The following BARHL1 variants were observed in gnomAD, a reference collection of about 807,000 sequenced individuals.
The protein encoded by BARHL1 is barH-like 1 homeobox protein.
Under a neutral mutation model 20.1 loss-of-function variants are expected in BARHL1, and 2 were observed. The observed-to-expected ratio is 0.10, with a 90% CI of 0.04 to 0.31. The LOEUF is 0.31. Ranked by LOEUF, BARHL1 falls within the 10% of genes least tolerant of loss-of-function variation. The probability of loss-of-function intolerance (pLI) is 1.00; values close to 1 mark genes in which losing one functional copy is unlikely to be tolerated. For synonymous variants in BARHL1, 213 were observed against 209.9 expected (o/e 1.01, Z -0.13); for missense variants, 397 against 454.0 (o/e 0.87, Z 1.14).
chr9:132,586,038 T>C (rs1830140716), intron 1 of BARHL1, among the ~76,000 whole-genome samples: 1 of 152,234 alleles, frequency 6.6e-6, no homozygotes, highest in African/African-American at 2.4e-5. Context: ...AGGGAGAGCC[T>C]GGTGCCAGCC....
intron 2 of BARHL1, among the ~76,000 whole-genome samples, chr9:132,588,962 A>C (rs1830176889): frequency 6.6e-6 from 1 of 151,992 alleles, no homozygotes; most frequent in East Asian, 1.9e-4. Flanking sequence ...AGGGCTTAAA[A>C]CCCAGGCTCC....
chr9:132,583,646 G>A (rs1376029453), intron 1 of BARHL1, among the ~76,000 whole-genome samples: 1 of 152,254 alleles, frequency 6.6e-6, no homozygotes, highest in African/African-American at 2.4e-5. Context: ...GACTGAAAGG[G>A]TTCTGCTTTA....
chr9:132,583,074 A>T lies in BARHL1; in HGVS notation c.277A>T (p.Thr93Ser). 6.2e-7 allele frequency: 1 copy of T among 1,613,698 alleles called. No homozygotes were observed. The highest frequency in any genetic ancestry group is 1.6e-4 in the Middle Eastern group (1 of 6,062). Residue 93 changes from threonine (T) to serine (S), a missense_variant, in exon 1 of 3, where the codon ACC (threonine) becomes TCC (serine). By Grantham distance (58) the Thr-to-Ser change is moderately conservative (BLOSUM62 1). Transcript: ENST00000263610. Reference protein sequence around the residue: ...LSAPAQSRTVTSSFLIRDILA... With the variant: ...LSAPAQSRTVSSSFLIRDILA... Reference sequence around the variant, plus strand: ...AGCCCCGGCCCAGTCGCGCACCGTCACCTCCTCCTTTCTGATCAGGGACAT... The same window carrying T: ...AGCCCCGGCCCAGTCGCGCACCGTCTCCTCCTCCTTTCTGATCAGGGACAT...
In BARHL1 at chr9:132,584,121, AGAAGGAAGGAAGGAAGGAAGGAAG is replaced by A. The variant is rs67522848; in HGVS notation, c.466+884_466+907del. Among the ~76,000 whole-genome samples, 25 of 144,218 alleles carry A rather than the reference AGAAGGAAGGAAGGAAGGAAGGAAG, an allele frequency of 1.7e-4. No homozygotes were observed. The East Asian group carries it at 2.1e-3, about 12-fold the overall frequency. The allele number at this position is 144,218 out of a possible 152,430, so 94.6% of individuals were successfully genotyped here. A position where few individuals can be genotyped will look rare whatever the true frequency, so the allele number is the denominator to read the frequency against. ...TGAGATCAGGGTTAAAAGGAAAGGG[AGAAGGAAGGAAGGAAGGAAGGAAG>A]GAAGGAAGGAAGGAAGGAAGGAAGG... On this transcript the variant is annotated intron_variant, in intron 1 of 2. Coordinates refer to ENST00000263610, the MANE Select transcript of BARHL1 (RefSeq NM_020064.4).
Position 132,589,610 on chromosome 9 carries a change from TC to T in BARHL1, c.*91del. On this transcript the variant is annotated 3_prime_UTR_variant, in exon 3 of 3. Coordinates refer to ENST00000263610, the MANE Select transcript of BARHL1 (RefSeq NM_020064.4). ...CTGAGGGCGCAGGTTCGACGCCCTT[TC>T]CCGGGAGGGGGCCCTGCCCGGCCCT... is the stretch of plus-strand genomic sequence containing the variant. 2.4e-6 allele frequency: 3 copies of T among 1,231,580 alleles called. No individual in the cohort carries two copies. Among genetic ancestry groups the T allele is most frequent in the African/African-American group, 1.6e-5 (1 of 63,494 alleles). 76.3% of individuals were successfully genotyped at this position (1,231,580 alleles called of 1,614,324 possible).
Position 132,583,135 on chromosome 9 carries a change from C to T in BARHL1, c.338C>T (p.Pro113Leu), listed in dbSNP as rs368144490. 1.5e-5 allele frequency: 24 copies of T among 1,613,796 alleles called. No homozygotes were observed. The highest frequency in any genetic ancestry group is 1.9e-5 in the Non-Finnish European group (23 of 1,179,978). ...TGCAAACCACTCGCGGCCTGTGCAC[C>T]CTACTCTAGCAGCGGGCAGCCGGCA... ...ADCKPLAACA[P>L]YSSSGQPAAP... The change falls in exon 1 of 3, where the codon CCC becomes CTC. Residue 113 changes from proline (P) to leucine (L), a missense_variant. Pro to Leu is a moderately conservative substitution (Grantham distance 98, BLOSUM62 -3). This residue lies in a region of BARHL1 where 272 missense variants were observed against 298.7 expected (regional missense o/e 0.91). Transcript: ENST00000263610.
Position 132,589,307 on chromosome 9 carries a change from T to C in BARHL1, c.769T>C (p.Phe257Leu). The C allele has an allele frequency of 3.1e-6, 5 of 1,613,514 alleles. No individual in the cohort carries two copies. Among genetic ancestry groups the C allele is most frequent in the Non-Finnish European group, 4.2e-6 (5 of 1,179,996 alleles). Residue 257 changes from phenylalanine to leucine, a missense_variant, in exon 3 of 3, where the codon TTC becomes CTC. By Grantham distance (22) the Phe-to-Leu change is conservative. Coordinates refer to ENST00000263610, the MANE Select transcript of BARHL1 (RefSeq NM_020064.4). ...AGNYSALQRM[F>L]PSPYFYPQSL... is the part of the protein sequence containing the mutation. Reference sequence around the variant, plus strand: ...CAATTACTCAGCGCTCCAGCGGATGTTCCCGTCGCCTTATTTCTACCCGCA... The same window carrying C: ...CAATTACTCAGCGCTCCAGCGGATGCTCCCGTCGCCTTATTTCTACCCGCA...
At chr9:132,588,348 A>C (rs1830167061) in intron 2 of BARHL1, among the ~76,000 whole-genome samples, 1 of 152,168 alleles carries the variant, frequency 6.6e-6, no homozygotes, top group Non-Finnish European at 1.5e-5. Context: ...GCTTTTCATA[A>C]ACAAGCCTCA....
In BARHL1 at chr9:132,583,019, G is replaced by A; in HGVS notation, c.222G>A (p.Leu74=). The A allele has an allele frequency of 6.2e-7, 1 of 1,613,800 alleles. No homozygotes were observed. Among genetic ancestry groups the A allele is most frequent in the South Asian group, 1.1e-5 (1 of 91,082 alleles). The change falls in exon 1 of 3, where the codon TTG becomes TTA. Residue 74 remains leucine (L), a synonymous_variant. Transcript: ENST00000263610. ...PRPGGASGPG[L]DSHLQPGQLS... ...CTGGCGGGGCATCCGGCCCAGGTTTGGACTCCCACCTGCAGCCCGGGCAGC... is the reference window on the plus strand; with the variant it reads ...CTGGCGGGGCATCCGGCCCAGGTTTAGACTCCCACCTGCAGCCCGGGCAGC...
chr9:132,583,150 G>A lies in BARHL1; in HGVS notation c.353G>A (p.Gly118Glu). 1 of 1,613,668 alleles carries A rather than the reference G, an allele frequency of 6.2e-7. No individual in the cohort carries two copies. Among genetic ancestry groups the A allele is most frequent in the Non-Finnish European group, 8.5e-7 (1 of 1,179,974 alleles). ...GCCTGTGCACCCTACTCTAGCAGCGGGCAGCCGGCAGCCCCTGAGCCTGGG... is the reference window on the plus strand; with the variant it reads ...GCCTGTGCACCCTACTCTAGCAGCGAGCAGCCGGCAGCCCCTGAGCCTGGG... Reference protein sequence around the residue: ...LAACAPYSSSGQPAAPEPGGR... With the variant: ...LAACAPYSSSEQPAAPEPGGR... The change falls in exon 1 of 3, where the codon GGG (glycine) becomes GAG (glutamate). Residue 118 changes from glycine to glutamate, a missense_variant. By Grantham distance (98) the Gly-to-Glu change is moderately conservative (BLOSUM62 -2). Transcript: ENST00000263610.
intron 1 of BARHL1, 45 bp downstream of exon 1, chr9:132,583,308 A>G: frequency 6.6e-7 from 1 of 1,508,032 alleles, no homozygotes; most frequent in Non-Finnish European, 9.0e-7. Context: ...CTATGTATCT[A>G]AAAACTGACA....
chr9:132,585,111 C>G (rs1830124110), intron 1 of BARHL1, among the ~76,000 whole-genome samples: 2 of 152,142 alleles, frequency 1.3e-5, no homozygotes, highest in South Asian at 4.2e-4. Flanking sequence ...CTTCTCCTGT[C>G]TCTGAGGATA....
chr9:132,588,797 A>AC (rs11353756), intron 2 of BARHL1, among the ~76,000 whole-genome samples: 7 of 151,486 alleles, frequency 4.6e-5, no homozygotes, highest in East Asian at 2.0e-4. Flanking sequence ...CCTGAAGAGC[A>AC]CCCCCCCATC....
At position 132,583,142 on chromosome 9, in the gene BARHL1, T is replaced by C. The variant is rs1283077816; in HGVS notation, c.345T>C (p.Ser115=). The C allele has an allele frequency of 1.2e-6, 2 of 1,613,616 alleles. No individual in the cohort carries two copies. Among genetic ancestry groups the C allele is most frequent in the Admixed American group, 1.7e-5 (1 of 60,026 alleles). The part of the protein sequence containing the change: ...CKPLAACAPY[S]SSGQPAAPEP... ...CACTCGCGGCCTGTGCACCCTACTC[T>C]AGCAGCGGGCAGCCGGCAGCCCCTG... is the stretch of plus-strand genomic sequence containing the variant. The change falls in exon 1 of 3, where the codon TCT becomes TCC. Residue 115 remains serine (S), a synonymous_variant. Transcript: ENST00000263610.
chr9:132,589,138 C>T, intron 2 of BARHL1, 90 bp from the exon 3 acceptor site: 1 of 1,511,512 alleles, frequency 6.6e-7, no homozygotes, highest in Non-Finnish European at 8.8e-7. Flanking sequence ...GGCCTCCCTA[C>T]AGGCTCTCTG....
In BARHL1 at chr9:132,587,200, C is replaced by T. The variant is rs1319052735; in HGVS notation, c.467-129C>T. On this transcript the variant is annotated intron_variant, in intron 1 of 2. Transcript: ENST00000263610. The surrounding 1 kb of genome is among the most constrained non-coding windows in gnomAD (Gnocchi z 5.5). ...CCCAGAGGTCCCGTCTGAGAGCGGC[C>T]CCCGCGAGCTTGGGTGTCGCGGAAC... 2.2e-5 allele frequency: 20 copies of T among 895,540 alleles called. No homozygotes were observed. The South Asian group carries it at 2.9e-4, about 13-fold the overall frequency. 55.5% of individuals were successfully genotyped at this position (895,540 alleles called of 1,614,324 possible). A position where few individuals can be genotyped will look rare whatever the true frequency, so the allele number is the denominator to read the frequency against.
Position 132,587,615 on chromosome 9 carries a change from G to A in BARHL1, c.689+64G>A. The A allele has an allele frequency of 6.8e-7, 1 of 1,462,702 alleles. No individual in the cohort carries two copies. Among genetic ancestry groups the A allele is most frequent in the Non-Finnish European group, 9.3e-7 (1 of 1,072,346 alleles). 90.6% of individuals were successfully genotyped at this position (1,462,702 alleles called of 1,614,324 possible). ...TTCCCCTTTCCTCACAGCTCCTGGA[G>A]GGGACCAGGAGTCTACAGGTTGGTG... On this transcript the variant is annotated intron_variant, in intron 2 of 2. Coordinates refer to ENST00000263610, the MANE Select transcript of BARHL1 (RefSeq NM_020064.4). This position sits in a 1 kb window ranked among gnomAD's most constrained non-coding sequence, Gnocchi z 5.5.
At position 132,582,992 on chromosome 9, in the gene BARHL1, G is replaced by T. The variant is rs768716732; in HGVS notation, c.195G>T (p.Arg65=). The stretch of plus-strand genomic sequence containing the variant: ...ACTGTTTGGAGACGGGGACCCCACG[G>T]CCTGGCGGGGCATCCGGCCCAGGTT... The part of the protein sequence containing the change: ...GRDCLETGTP[R]PGGASGPGLD... Residue 65 remains arginine, a synonymous_variant, in exon 1 of 3, where the codon CGG becomes CGT. Coordinates refer to ENST00000263610, the MANE Select transcript of BARHL1 (RefSeq NM_020064.4). 6.8e-6 allele frequency: 11 copies of T among 1,613,656 alleles called. No homozygotes were observed. Among genetic ancestry groups the T allele is most frequent in the Admixed American group, 1.7e-5 (1 of 60,004 alleles).
At position 132,589,651 on chromosome 9, in the gene BARHL1, C is replaced by A. The variant is rs1311615131; in HGVS notation, c.*129C>A. ...TGCCCGGCCCTCCCTGGCGCCCCAG[C>A]CCAGTGCCCCCCGAAGGGCCAAATG... On this transcript the variant is annotated 3_prime_UTR_variant, in exon 3 of 3. Transcript: ENST00000263610. 1 of 1,182,334 alleles carries A rather than the reference C, an allele frequency of 8.5e-7. No individual in the cohort carries two copies. The highest frequency in any genetic ancestry group is 1.1e-6 in the Non-Finnish European group (1 of 948,486). 73.2% of individuals were successfully genotyped at this position (1,182,334 alleles called of 1,614,324 possible).
Sources: gnomAD v4.1 joint callset for allele counts (sites outside exome capture counted in the v4.1 genomes callset) on GRCh38, gnomAD v4.1.1 for gene constraint, gnomAD v4.1.1 regional missense constraint, Gnocchi (gnomAD v3.1) non-coding constraint, MANE v1.5 for transcripts, NCBI Gene and HGNC (gene_info 2026-07-23, HGNC 2026-07-21) for gene names.